Variants in ZNF521 observed in about 807,000 individuals in gnomAD.
The protein encoded by ZNF521 is LYST-interacting protein 3.
In ZNF521, 14 loss-of-function variants were observed where a neutral mutation model predicts 105.5. The ratio of observed to expected loss-of-function variants is 0.13; its 90% CI spans 0.09 to 0.21. The LOEUF (loss-of-function observed/expected upper bound fraction) is 0.21, where lower values mean the gene tolerates loss of function less well. Ranked by LOEUF, ZNF521 falls within the 10% of genes least tolerant of loss-of-function variation. The pLI, the probability that ZNF521 is intolerant of heterozygous loss-of-function variation, is 1.00. For synonymous variants in ZNF521, 635 were observed against 606.0 expected, an observed-to-expected ratio of 1.05 and a Z score of -0.70; for missense variants, 1,233 against 1,629.7, an observed-to-expected ratio of 0.76 and a Z score of 4.19.
intron 5 of ZNF521, among the ~76,000 whole-genome samples, chr18:25,162,011 G>A (rs1391544567): frequency 1.3e-5 from 2 of 152,124 alleles, no homozygotes; most frequent in Non-Finnish European, 2.9e-5. Context: ...GGGGAGTGGA[G>A]TACAGGACAG....
intron 3 of ZNF521, among the ~76,000 whole-genome samples, chr18:25,252,058 G>A (rs1908157691): frequency 6.6e-6 from 1 of 152,168 alleles, no homozygotes; most frequent in Admixed American, 6.5e-5. Flanking sequence ...GGACAGGGAA[G>A]TAATAATAAG....
intron 3 of ZNF521, among the ~76,000 whole-genome samples, chr18:25,288,655 C>A (rs1015281997): frequency 1.3e-5 from 2 of 151,856 alleles, no homozygotes; most frequent in African/African-American, 4.8e-5. Context: ...TTAAATACCC[C>A]CAAGGAAAAA....
At chr18:25,216,090 T>A (rs1352287956) in intron 4 of ZNF521, among the ~76,000 whole-genome samples, 1 of 152,248 alleles carries the variant, frequency 6.6e-6, no homozygotes, top group Non-Finnish European at 1.5e-5. Flanking sequence ...AAACTTAGTA[T>A]CAGCAATTTG....
intron 3 of ZNF521, among the ~76,000 whole-genome samples, chr18:25,232,011 A>C (rs1243632731): frequency 1.3e-5 from 2 of 152,200 alleles, no homozygotes; most frequent in Non-Finnish European, 2.9e-5. Context: ...ACAGCAGAGT[A>C]CCCTCTTAAC....
Position 25,225,660 on chromosome 18 carries a change from C to T in ZNF521, c.2258G>A (p.Arg753Lys). The T allele has an allele frequency of 1.9e-6, 3 of 1,614,122 alleles. No homozygotes were observed. Among genetic ancestry groups the T allele is most frequent in the Non-Finnish European group, 2.5e-6 (3 of 1,180,020 alleles). ...GAAGTCCCAGTTGCAAGATGTGCAC[C>T]TATAGACTTTCTTTTCGTTACTGTG... ...VKHSNEKKVYRCTSCNWDFRN... is the reference protein window; with the variant it reads ...VKHSNEKKVYKCTSCNWDFRN... Residue 753 changes from arginine to lysine, a missense_variant, in exon 4 of 8, where the codon AGG becomes AAG. Physicochemically the swap from Arg to Lys is conservative, Grantham distance 26 (BLOSUM62 2). Transcript: ENST00000361524. The surrounding 1 kb of genome is among the most constrained non-coding windows in gnomAD (Gnocchi z 5.6).
chr18:25,154,912 G>A (rs181337761), intron 5 of ZNF521, among the ~76,000 whole-genome samples: 3 of 152,268 alleles, frequency 2.0e-5, no homozygotes, highest in East Asian at 1.9e-4. Context: ...ATGGCCAGAA[G>A]AGGGATTGCT....
At chr18:25,246,505 A>C (rs1160534717) in intron 3 of ZNF521, among the ~76,000 whole-genome samples, 1 of 152,156 alleles carries the variant, frequency 6.6e-6, no homozygotes, top group African/African-American at 2.4e-5. Context: ...TCTGTTCACT[A>C]TATTTTATAT....
chr18:25,297,048 A>G (rs1171583239), intron 3 of ZNF521, among the ~76,000 whole-genome samples: 1 of 151,670 alleles, frequency 6.6e-6, no homozygotes, highest in Non-Finnish European at 1.5e-5. Context: ...AGTAGCAACC[A>G]TTTCTTTATA....
chr18:25,306,854 G>GAA (rs11445167), intron 3 of ZNF521, among the ~76,000 whole-genome samples: 17,705 of 145,368 alleles, frequency 0.12, 2,471 homozygotes, highest in African/African-American at 0.32. Flanking sequence ...CACAATTCAA[G>GAA]AAAAAAAAAA....
At chr18:25,234,639 T>C (rs997450754) in intron 3 of ZNF521, among the ~76,000 whole-genome samples, 11 of 152,206 alleles carry the variant, frequency 7.2e-5, no homozygotes, top group African/African-American at 2.7e-4. Flanking sequence ...TTTTCTGTAC[T>C]GCTAAAATCT....
At chr18:25,094,433 C>T (rs185754571) in intron 5 of ZNF521, among the ~76,000 whole-genome samples, 14 of 152,212 alleles carry the variant, frequency 9.2e-5, no homozygotes, top group Admixed American at 4.6e-4. Flanking sequence ...AGGTGACACA[C>T]AGGCATAAAG....
At chr18:25,131,501 T>C (rs1387505473) in intron 5 of ZNF521, among the ~76,000 whole-genome samples, 2 of 152,146 alleles carry the variant, frequency 1.3e-5, no homozygotes, top group African/African-American at 4.8e-5. Flanking sequence ...TGTCAAATAC[T>C]TTTTCCTGTG....
chr18:25,185,486 T>C (rs1208973672), intron 5 of ZNF521, among the ~76,000 whole-genome samples: 1 of 152,056 alleles, frequency 6.6e-6, no homozygotes, highest in African/African-American at 2.4e-5. Flanking sequence ...GTAAAGAAGA[T>C]GGGAAGTAAT....
intron 2 of ZNF521, 81 bp downstream of exon 2, chr18:25,350,826 G>T: frequency 6.8e-7 from 1 of 1,476,842 alleles, no homozygotes; most frequent in Non-Finnish European, 9.1e-7. Context: ...CACACGCCTC[G>T]CAGCCACGCA....
intron 5 of ZNF521, among the ~76,000 whole-genome samples, chr18:25,109,089 T>C (rs1234811574): frequency 6.6e-6 from 1 of 152,120 alleles, no homozygotes; most frequent in Non-Finnish European, 1.5e-5. Flanking sequence ...TCAATAGGTA[T>C]TTTTTTAACC....
chr18:25,094,951 T>G (rs1218518806), intron 5 of ZNF521, among the ~76,000 whole-genome samples: 1 of 152,152 alleles, frequency 6.6e-6, no homozygotes, highest in African/African-American at 2.4e-5. Flanking sequence ...AAAATGAAAC[T>G]TATTTATAGT....
At chr18:25,255,479 A>G (rs1239495881) in intron 3 of ZNF521, among the ~76,000 whole-genome samples, 1 of 152,124 alleles carries the variant, frequency 6.6e-6, no homozygotes, top group Non-Finnish European at 1.5e-5. Context: ...CGTTTTTCAG[A>G]TATGTAGTAA....
chr18:25,347,077 T>C (rs1476622479), intron 2 of ZNF521, among the ~76,000 whole-genome samples: 4 of 152,136 alleles, frequency 2.6e-5, no homozygotes, highest in African/African-American at 7.2e-5. Context: ...AGAGAATAAA[T>C]AGCCAGCAAG....
At chr18:25,138,732 C>T (rs1248298975) in intron 5 of ZNF521, among the ~76,000 whole-genome samples, 1 of 152,128 alleles carries the variant, frequency 6.6e-6, no homozygotes, top group Non-Finnish European at 1.5e-5. Context: ...TCATTCAATG[C>T]CCCGATTTAA....
Sources: gnomAD v4.1 joint callset for allele counts (sites outside exome capture counted in the v4.1 genomes callset) on GRCh38, gnomAD v4.1.1 for gene constraint, Gnocchi (gnomAD v3.1) non-coding constraint, MANE v1.5 for transcripts, NCBI Gene and HGNC (gene_info 2026-07-23, HGNC 2026-07-21) for gene names.